The following COL22A1 variants were observed in gnomAD, a reference collection of about 807,000 sequenced individuals.
COL22A1 encodes the protein collagen alpha-1(XXII) chain.
In COL22A1, 221 loss-of-function variants were observed where a neutral mutation model predicts 248.9. The ratio of observed to expected loss-of-function variants is 0.89; its 90% CI spans 0.80 to 0.99. The LOEUF (loss-of-function observed/expected upper bound fraction) is 0.99. COL22A1 is among the 50% of genes least tolerant of loss of function. The pLI, the probability that COL22A1 is intolerant of heterozygous loss-of-function variation, is 0.00. For missense variants in COL22A1, 2,240 were observed against 2,179.0 expected, an observed-to-expected ratio of 1.03 and a Z score of -0.56; for synonymous variants, 891 against 793.4, an observed-to-expected ratio of 1.12 and a Z score of -2.07.
Position 138,695,164 on chromosome 8 carries a change from T to C in COL22A1, c.2593-285A>G, listed in dbSNP as rs187074737. ...AGCAGGTCAGTGTACTGTGCCTTTC[T>C]CCTCCTGAGCCCTGTTATGGCCGCA... is the stretch of plus-strand genomic sequence containing the variant. On this transcript the variant is annotated intron_variant, in intron 32 of 64. Transcript: ENST00000303045. Among the ~76,000 whole-genome samples, 440 of 152,312 alleles carry C rather than the reference T, an allele frequency of 2.9e-3. 3 individuals are homozygous for C. The highest frequency in any genetic ancestry group is 5.0e-3 in the Non-Finnish European group (341 of 68,034).
At chr8:138,856,696 G>C (rs564532273) in intron 3 of COL22A1, among the ~76,000 whole-genome samples, 1 of 151,496 alleles carries the variant, frequency 6.6e-6, no homozygotes, top group African/African-American at 2.4e-5. Context: ...CAAGAGAGAG[G>C]GATAGAGAGA....
Position 138,912,358 on chromosome 8 carries a change from A to T in COL22A1, c.-73+1261T>A, listed in dbSNP as rs10087945. ...TTTGAACTTAACCAGGAGCCTGAAG[A>T]TGTGGCCTTCAGCTTTCCATGATTT... On this transcript the variant is annotated intron_variant, in intron 1 of 64. Coordinates refer to ENST00000303045, the MANE Select transcript of COL22A1 (RefSeq NM_152888.3). Among the ~76,000 whole-genome samples the T allele has an allele frequency of 9.8e-3, 1,492 of 152,322 alleles. 24 individuals carry two copies. Among genetic ancestry groups the T allele is most frequent in the African/African-American group, 0.034 (1,418 of 41,580 alleles).
intron 12 of COL22A1, among the ~76,000 whole-genome samples, chr8:138,794,459 T>C (rs966280759): frequency 2.6e-5 from 4 of 151,528 alleles, no homozygotes; most frequent in African/African-American, 9.7e-5. Flanking sequence ...GAAAACAGTA[T>C]GGTGGCTCCT....
intron 1 of COL22A1, among the ~76,000 whole-genome samples, chr8:138,885,029 C>T (rs1468000216): frequency 6.6e-6 from 1 of 152,158 alleles, no homozygotes; most frequent in African/African-American, 2.4e-5. Flanking sequence ...CACACACACA[C>T]ACACGCACAC....
intron 45 of COL22A1, 151 bp downstream of exon 45, chr8:138,655,746 C>T: frequency 1.3e-6 from 1 of 748,102 alleles, no homozygotes; most frequent in Non-Finnish European, 2.4e-6. Flanking sequence ...AGCACATCAC[C>T]AGCCACATGC....
intron 36 of COL22A1, among the ~76,000 whole-genome samples, chr8:138,689,745 G>C (rs1385999867): frequency 6.6e-6 from 1 of 152,134 alleles, no homozygotes; most frequent in Non-Finnish European, 1.5e-5. Context: ...AATAAAGCAG[G>C]GGAGAACAGG....
At chr8:138,909,556 T>A (rs1352045631) in intron 1 of COL22A1, among the ~76,000 whole-genome samples, 3 of 148,738 alleles carry the variant, frequency 2.0e-5, no homozygotes, top group South Asian at 2.1e-4. Flanking sequence ...TCTGATTTTT[T>A]TAAAAAAACT....
At chr8:138,769,093 T>C (rs1045372911) in intron 16 of COL22A1, among the ~76,000 whole-genome samples, 1 of 152,168 alleles carries the variant, frequency 6.6e-6, no homozygotes, top group African/African-American at 2.4e-5. Flanking sequence ...TCCTGACACG[T>C]AGGCTCTCCT....
rs75951067 is a variant in COL22A1, at chr8:138,787,872, C to T, written c.1597-6892G>A. On this transcript the variant is annotated intron_variant, in intron 12 of 64. Coordinates refer to ENST00000303045, the MANE Select transcript of COL22A1 (RefSeq NM_152888.3). Reference sequence around the variant, plus strand: ...CAGGAAATTATCCATCTCCTCTCACCCACTTGTCAGCATCCAGAGCCCCAG... The same window carrying T: ...CAGGAAATTATCCATCTCCTCTCACTCACTTGTCAGCATCCAGAGCCCCAG... 9.7e-3 allele frequency among the ~76,000 whole-genome samples: 1,471 copies of T among 152,266 alleles called. 29 individuals are homozygous for T. The highest frequency in any genetic ancestry group is 0.033 in the African/African-American group (1,370 of 41,546).
chr8:138,756,442 G>T (rs1459902765), intron 18 of COL22A1, among the ~76,000 whole-genome samples: 6 of 151,988 alleles, frequency 3.9e-5, no homozygotes, highest in Non-Finnish European at 5.9e-5. Flanking sequence ...GCTACAACTT[G>T]GTCCTAAATG....
chr8:138,852,610 G>A (rs1202464811), intron 3 of COL22A1, among the ~76,000 whole-genome samples: 3 of 152,136 alleles, frequency 2.0e-5, no homozygotes, highest in Non-Finnish European at 4.4e-5. Context: ...TTAAAGCATC[G>A]GGAGTGAGTG....
intron 51 of COL22A1, 106 bp downstream of exon 51, chr8:138,626,084 T>C (rs1820212078): frequency 7.4e-6 from 6 of 812,710 alleles, no homozygotes; most frequent in Admixed American, 3.1e-5. Flanking sequence ...CTCAAAATTC[T>C]AGTGGCCAGG....
intron 2 of COL22A1, among the ~76,000 whole-genome samples, chr8:138,881,909 G>A (rs1037777884): frequency 6.6e-6 from 1 of 152,118 alleles, no homozygotes; most frequent in Non-Finnish European, 1.5e-5. Flanking sequence ...CAGGGCAGGG[G>A]CCCTCATACA....
chr8:138,827,276 T>C, intron 5 of COL22A1: 1 of 162,048 alleles, frequency 6.2e-6, no homozygotes, highest in Non-Finnish European at 1.4e-5. Flanking sequence ...AAGGTGATGG[T>C]AACAGCAGAT....
intron 16 of COL22A1, among the ~76,000 whole-genome samples, chr8:138,767,452 G>A (rs1427975111): frequency 6.6e-6 from 1 of 151,930 alleles, no homozygotes. Context: ...GCTCCTCTCT[G>A]GGGCTCCAGT....
At chr8:138,663,012 T>TCACACACACACAAACACACACACACACA (rs1238032353) in intron 42 of COL22A1, among the ~76,000 whole-genome samples, 1 of 140,772 alleles carries the variant, frequency 7.1e-6, no homozygotes, top group African/African-American at 2.6e-5. Context: ...CAGGACTCTG[T>TCACACACACACAAACACACACACACACA]CACTCACACA....
intron 43 of COL22A1, among the ~76,000 whole-genome samples, chr8:138,660,962 A>ATG (rs1564158676): frequency 1.4e-3 from 87 of 62,096 alleles, no homozygotes; most frequent in African/African-American, 3.5e-3. Flanking sequence ...ACAGACACAC[A>ATG]CGCACACACA....
At chr8:138,827,854 AC>A (rs773222415) in intron 5 of COL22A1, among the ~76,000 whole-genome samples, 5 of 150,786 alleles carry the variant, frequency 3.3e-5, no homozygotes, top group Non-Finnish European at 7.4e-5. Context: ...TCAGCACAGA[AC>A]CCCGCCACCC....
intron 2 of COL22A1, among the ~76,000 whole-genome samples, chr8:138,878,843 T>TA (rs563253485): frequency 6.6e-6 from 1 of 151,868 alleles, no homozygotes; most frequent in Non-Finnish European, 1.5e-5. Flanking sequence ...CCATCTCTAC[T>TA]AAAAAATACA....
Sources: gnomAD v4.1 joint callset for allele counts (sites outside exome capture counted in the v4.1 genomes callset) on GRCh38, gnomAD v4.1.1 for gene constraint, MANE v1.5 for transcripts, NCBI Gene and HGNC (gene_info 2026-07-23, HGNC 2026-07-21) for gene names.